Variants in PPFIA4 observed in about 807,000 individuals in gnomAD.
PPFIA4 encodes the protein liprin-alpha-4.
In PPFIA4, 98 loss-of-function variants were observed where a neutral mutation model predicts 145.7. The observed-to-expected ratio is 0.67, with a 90% confidence interval of 0.57 to 0.80. The LOEUF (loss-of-function observed/expected upper bound fraction) is 0.80. Among genes scored for constraint, PPFIA4 ranks in the 30% least tolerant of loss-of-function variants. PPFIA4 has a pLI of 0.00. For missense variants in PPFIA4, 1,457 were observed against 1,632.7 expected, an observed-to-expected ratio of 0.89 and a Z score of 1.85; for synonymous variants, 628 against 649.6, an observed-to-expected ratio of 0.97 and a Z score of 0.51.
At chr1:203,030,312 AGCTGCTTCAGAAGATG>A (rs1658725997) in intron 1 of PPFIA4, among the ~76,000 whole-genome samples, 1 of 151,900 alleles carries the variant, frequency 6.6e-6, no homozygotes, top group Non-Finnish European at 1.5e-5. Context: ...GGGCCTCAGC[AGCTGCTTCAGAAGATG>A]GCTCTCCTTT....
chr1:203,033,578 A>G (rs151303151), intron 1 of PPFIA4, among the ~76,000 whole-genome samples: 8 of 152,318 alleles, frequency 5.3e-5, no homozygotes, highest in African/African-American at 9.6e-5. Context: ...AGGTTGGGGA[A>G]TGGAAGCTCA....
rs1558080035 is a variant in PPFIA4, at chr1:203,049,735, A to C, written c.1479A>C (p.Arg493=). Residue 493 remains arginine (R), a synonymous_variant, in exon 13 of 30, where the codon CGA becomes CGC. Transcript: ENST00000295706. ...LRQEVDQLKG[R]GGPFVDGVHS... is the part of the protein sequence containing the mutation. ...AAGAGGTGGACCAGCTGAAGGGCCGAGGGGGGCCGTTTGTGGATGGCGTCC... is the reference window on the plus strand; with the variant it reads ...AAGAGGTGGACCAGCTGAAGGGCCGCGGGGGGCCGTTTGTGGATGGCGTCC... The C allele has an allele frequency of 6.3e-7, 1 of 1,587,564 alleles. No homozygotes were observed. Among genetic ancestry groups the C allele is most frequent in the East Asian group, 2.3e-5 (1 of 43,176 alleles).
intron 1 of PPFIA4, chr1:203,034,582 A>G (rs544532262): frequency 2.1e-4 from 95 of 456,430 alleles, no homozygotes; most frequent in Admixed American, 1.2e-3. Flanking sequence ...GAAGCTGCCT[A>G]CAACTTGGTG....
rs963721698 is a variant in PPFIA4, at chr1:203,036,876, C to G, written c.-399-1734C>G. Among the ~76,000 whole-genome samples the G allele has an allele frequency of 6.0e-4, 92 of 152,204 alleles. 1 individual carries two copies. The highest frequency in any genetic ancestry group is 5.8e-3 in the Admixed American group (89 of 15,284). ...TTTTACTTCTGTAGCCTTCTGGGAC[C>G]CTGCCCTCCACAGTGGCTGTCTGGC... On this transcript the variant is annotated intron_variant, in intron 1 of 29. Transcript: ENST00000295706.
chr1:203,062,441 C>G (rs1331320054), intron 24 of PPFIA4, among the ~76,000 whole-genome samples: 1 of 131,248 alleles, frequency 7.6e-6, no homozygotes, highest in Non-Finnish European at 1.5e-5. Context: ...GATCACACCA[C>G]TGCACTCCAG....
rs972848562 is a variant in PPFIA4 at position 203,027,274 on chromosome 1, T to G, written c.-400+645T>G. ...AGGGCTGGAATAGAGATGCCTGAAC[T>G]GGGAGGGTGGGAGTGGGGCGCTGAC... On this transcript the variant is annotated intron_variant, in intron 1 of 29. Transcript: ENST00000295706. Among the ~76,000 whole-genome samples the G allele has an allele frequency of 3.3e-5, 5 of 151,534 alleles. No homozygotes were observed. The East Asian group carries it at 9.7e-4, about 30-fold the overall frequency.
intron 1 of PPFIA4, among the ~76,000 whole-genome samples, chr1:203,031,136 C>T (rs1295340303): frequency 6.6e-6 from 1 of 152,192 alleles, no homozygotes; most frequent in Non-Finnish European, 1.5e-5. Context: ...TGGCTCACTG[C>T]AGCCTCAACC....
At position 203,060,938 on chromosome 1, in the gene PPFIA4, C is replaced by G; in HGVS notation, c.2785-32C>G. 1 of 1,611,190 alleles carries G rather than the reference C, an allele frequency of 6.2e-7. No individual in the cohort carries two copies. Among genetic ancestry groups the G allele is most frequent in the Non-Finnish European group, 8.5e-7 (1 of 1,177,576 alleles). On this transcript the variant is annotated intron_variant, in intron 22 of 29. Transcript: ENST00000295706. This position sits in a 1 kb window ranked among gnomAD's most constrained non-coding sequence, Gnocchi z 4.8. Reference sequence around the variant, plus strand: ...GATGGGGATCCTGGGGACCCACACCCAGGACCAGCTAGGTTTCCTCTCTGC... The same window carrying G: ...GATGGGGATCCTGGGGACCCACACCGAGGACCAGCTAGGTTTCCTCTCTGC...
At position 203,039,158 on chromosome 1, in the gene PPFIA4, C is replaced by G. The variant is rs10920553; in HGVS notation, c.150C>G (p.Thr50=). ...LLESLRESQE[T]LAATQSRLQD... ...AGTCTCTTCGGGAGAGTCAGGAGAC[C>G]TTGGCGGCCACACAGAGCCGGCTCC... is the stretch of plus-strand genomic sequence containing the variant. Residue 50 remains threonine, a synonymous_variant, in exon 2 of 30, where the codon ACC becomes ACG. Transcript: ENST00000295706. The G allele has an allele frequency of 0.58, 935,334 of 1,605,280 alleles. 275,805 individuals are homozygous for G. Among genetic ancestry groups the G allele is most frequent in the Non-Finnish European group, 0.6 (707,412 of 1,176,338 alleles).
intron 1 of PPFIA4, among the ~76,000 whole-genome samples, chr1:203,031,041 A>G (rs922270582): frequency 2.0e-5 from 3 of 152,134 alleles, no homozygotes; most frequent in Admixed American, 2.0e-4. Flanking sequence ...ACAGACATAC[A>G]TACAACATAT....
chr1:203,063,079 A>C (rs928373089), intron 24 of PPFIA4: 37 of 152,264 alleles, frequency 2.4e-4, no homozygotes, highest in African/African-American at 8.4e-4. Context: ...TTTCTATCTG[A>C]AAACATCAAG....
In PPFIA4 at chr1:203,044,056, C is replaced by G. The variant is rs1391876709; in HGVS notation, c.462C>G (p.Leu154=). 1.2e-6 allele frequency: 2 copies of G among 1,610,050 alleles called. No individual in the cohort carries two copies. The highest frequency in any genetic ancestry group is 1.7e-6 in the Non-Finnish European group (2 of 1,178,576). Residue 154 remains leucine, a synonymous_variant, in exon 4 of 30, where the codon CTC becomes CTG. Coordinates refer to ENST00000295706, the MANE Select transcript of PPFIA4 (RefSeq NM_001304331.2). The part of the protein sequence containing the change: ...VSSEVEVLKA[L]KSLFEHHKAL... ...GTGAGGTGGAGGTGCTGAAGGCCCT[C>G]AAGTCACTGTTTGAGCACCACAAGG...
Position 203,060,282 on chromosome 1 carries a change from C to A in PPFIA4, c.2649C>A (p.Ile883=), listed in dbSNP as rs1661270842. 6.2e-7 allele frequency: 1 copy of A among 1,614,016 alleles called. No homozygotes were observed. The highest frequency in any genetic ancestry group is 1.1e-5 in the South Asian group (1 of 91,086). ...ACRANVKSGA[I]MSALSDTEIQ... Reference sequence around the variant, plus strand: ...GGGCCAACGTCAAGAGTGGTGCCATCATGTCCGCTCTGTCGGACACAGAGA... The same window carrying A: ...GGGCCAACGTCAAGAGTGGTGCCATAATGTCCGCTCTGTCGGACACAGAGA... The change falls in exon 22 of 30, where the codon ATC becomes ATA. Residue 883 remains isoleucine (I), a synonymous_variant. Transcript: ENST00000295706. This position sits in a 1 kb window ranked among gnomAD's most constrained non-coding sequence, Gnocchi z 4.8.
At chr1:203,036,005 G>A (rs1206179243) in intron 1 of PPFIA4, among the ~76,000 whole-genome samples, 1 of 152,196 alleles carries the variant, frequency 6.6e-6, no homozygotes, top group African/African-American at 2.4e-5. Flanking sequence ...CTTCTCAGTT[G>A]CTAAAATGAC....
Position 203,048,370 on chromosome 1 carries a change from C to T in PPFIA4, c.1224+60C>T, listed in dbSNP as rs577181603. ...CTTCCCGCAGGACAGGCTCCCAGGG[C>T]GGTCTGTGGAAGGGGCACGGAGGAA... On this transcript the variant is annotated intron_variant, in intron 10 of 29. Coordinates refer to ENST00000295706, the MANE Select transcript of PPFIA4 (RefSeq NM_001304331.2). This position sits in a 1 kb window ranked among gnomAD's most constrained non-coding sequence, Gnocchi z 5.8. The T allele has an allele frequency of 1.1e-5, 18 of 1,571,128 alleles. No individual in the cohort carries two copies. In the East Asian group the frequency reaches 1.6e-4, roughly 14 times the overall value.
Position 203,056,840 on chromosome 1 carries a change from T to A in PPFIA4, c.2297T>A (p.Leu766Gln). Residue 766 changes from leucine to glutamine, a missense_variant, in exon 19 of 30, where the codon CTG becomes CAG. By Grantham distance (113) the Leu-to-Gln change is moderately radical. This residue lies in a region of PPFIA4 where 848 missense variants were observed against 1,046.7 expected (regional missense o/e 0.81). Coordinates refer to ENST00000295706, the MANE Select transcript of PPFIA4 (RefSeq NM_001304331.2). ...AGCAGCAACAGCAGCCAGGACTCCC[T>A]GCACAAGGGCGCCAAGCGCAAGGGC... ...PSSSNSSQDS[L>Q]HKGAKRKGIK... is the part of the protein sequence containing the mutation. The A allele has an allele frequency of 6.2e-7, 1 of 1,614,058 alleles. No homozygotes were observed. The highest frequency in any genetic ancestry group is 8.5e-7 in the Non-Finnish European group (1 of 1,179,894).
Position 203,061,008 on chromosome 1 carries a change from A to C in PPFIA4, c.2823A>C (p.Glu941Asp), listed in dbSNP as rs372872231. 3.7e-5 allele frequency: 59 copies of C among 1,613,872 alleles called. No homozygotes were observed. The highest frequency in any genetic ancestry group is 1.7e-6 in the Non-Finnish European group (2 of 1,179,874). ...TCTGGGTCACCCATGAAGAGATGGA[A>C]ACTCTGGAAACATCTACTAAAACAG... ...GNVWVTHEEMETLETSTKTDS... is the reference protein window; with the variant it reads ...GNVWVTHEEMDTLETSTKTDS... The change falls in exon 23 of 30, where the codon GAA (glutamate) becomes GAC (aspartate). Residue 941 changes from glutamate (E) to aspartate (D), a missense_variant. This residue lies in a region of PPFIA4 where 848 missense variants were observed against 1,046.7 expected (regional missense o/e 0.81). Transcript: ENST00000295706.
Position 203,060,388 on chromosome 1 carries a change from AG to A in PPFIA4, c.2756del (p.Ser919ThrfsTer47), listed in dbSNP as rs1472564595. On this transcript the variant is annotated frameshift_variant, in exon 22 of 30. Transcript: ENST00000295706. LOFTEE classifies it high-confidence loss of function. The surrounding 1 kb of genome is among the most constrained non-coding windows in gnomAD (Gnocchi z 4.8). The stretch of plus-strand genomic sequence containing the variant: ...CATTCAGGAGATGGTGTCATTGACC[AG>A]CCCCTCTGCCCCACCCACCTCCAGG... ...LAIQEMVSLTSPSAPPTSRTS... is the reference protein window; with the variant it reads ...LAIQEMVSLTXPSAPPTSRTS... The A allele has an allele frequency of 6.2e-7, 1 of 1,613,802 alleles. No homozygotes were observed. The highest frequency in any genetic ancestry group is 1.7e-5 in the Admixed American group (1 of 60,024).
In PPFIA4 at chr1:203,043,599, GC is replaced by G; in HGVS notation, c.336+103del. 1 of 1,063,536 alleles carries G rather than the reference GC, an allele frequency of 9.4e-7. No individual in the cohort carries two copies. Among genetic ancestry groups the G allele is most frequent in the Non-Finnish European group, 1.4e-6 (1 of 712,510 alleles). The allele number at this position is 1,063,536 out of a possible 1,614,324, so 65.9% of individuals were successfully genotyped here. On this transcript the variant is annotated intron_variant, in intron 3 of 29. Transcript: ENST00000295706. This position sits in a 1 kb window ranked among gnomAD's most constrained non-coding sequence, Gnocchi z 4.4. ...GACCAAGAGAGCAGGCAAGAGTGGG[GC>G]CAGGCACAGTCCTAGCTCAAGCCCC...
Sources: gnomAD v4.1 joint callset for allele counts (sites outside exome capture counted in the v4.1 genomes callset) on GRCh38, gnomAD v4.1.1 for gene constraint, gnomAD v4.1.1 regional missense constraint, Gnocchi (gnomAD v3.1) non-coding constraint, MANE v1.5 for transcripts, NCBI Gene and HGNC (gene_info 2026-07-23, HGNC 2026-07-21) for gene names.